The following DCDC1 variants were observed in gnomAD, a reference collection of about 807,000 sequenced individuals.
The protein encoded by DCDC1 is doublecortin domain-containing protein 1.
DCDC1 carries 200 observed loss-of-function variants against 178.3 expected under a neutral mutation model. The observed-to-expected ratio is 1.12, with a 90% CI of 1.00 to 1.26. The LOEUF is 1.26. Among genes scored for constraint, DCDC1 ranks in the 50% most tolerant of loss-of-function variants. The probability of loss-of-function intolerance (pLI) is 0.00; values close to 1 mark genes in which losing one functional copy is unlikely to be tolerated. For synonymous variants in DCDC1, 690 were observed against 604.8 expected (o/e 1.14, Z -2.07); for missense variants, 1,983 against 1,749.2 (o/e 1.13, Z -2.38).
At chr11:31,250,425 T>TAC (rs1482023816) in intron 8 of DCDC1, among the ~76,000 whole-genome samples, 2 of 114,678 alleles carry the variant, frequency 1.7e-5, no homozygotes, top group African/African-American at 6.3e-5. Flanking sequence ...CATATACATA[T>TAC]ATATGTATAT....
intron 20 of DCDC1, among the ~76,000 whole-genome samples, chr11:30,968,782 A>T (rs1949618018): frequency 7.5e-6 from 1 of 132,634 alleles, no homozygotes; most frequent in Non-Finnish European, 1.6e-5. Flanking sequence ...GGGGTCTTGA[A>T]ATGTATAGGG....
intron 20 of DCDC1, among the ~76,000 whole-genome samples, chr11:31,040,876 G>A (rs2135346494): frequency 6.6e-6 from 1 of 152,290 alleles, no homozygotes; most frequent in Non-Finnish European, 1.5e-5. Flanking sequence ...GCATCAATAA[G>A]TTGCAACTCC....
At chr11:31,108,444 G>A (rs1958992122) in intron 12 of DCDC1, among the ~76,000 whole-genome samples, 2 of 152,142 alleles carry the variant, frequency 1.3e-5, no homozygotes, top group Non-Finnish European at 2.9e-5. Context: ...TGTGGTTTCA[G>A]CTCTTGAGCT....
chr11:31,158,607 T>A (rs1965986718), intron 9 of DCDC1, among the ~76,000 whole-genome samples: 1 of 152,234 alleles, frequency 6.6e-6, no homozygotes, highest in South Asian at 2.1e-4. Flanking sequence ...ATTTTTAATC[T>A]TTCTTGAAAC....
chr11:31,185,346 C>T (rs1246533940), intron 9 of DCDC1, among the ~76,000 whole-genome samples: 2 of 151,750 alleles, frequency 1.3e-5, no homozygotes, highest in East Asian at 1.9e-4. Context: ...CACGATGGCA[C>T]GTGTATAGCT....
chr11:31,039,650 T>A lies in DCDC1; in HGVS notation c.2591+24819A>T, dbSNP rs144089492. Among the ~76,000 whole-genome samples, 162 of 152,242 alleles carry A rather than the reference T, an allele frequency of 1.1e-3. 1 individual carries two copies. The highest frequency in any genetic ancestry group is 3.6e-3 in the African/African-American group (148 of 41,554). On this transcript the variant is annotated intron_variant, in intron 20 of 38. Coordinates refer to ENST00000684477, the MANE Select transcript of DCDC1 (RefSeq NM_001387274.1). ...GATTTACAGCCTTTAAAAATTAAGA[T>A]AAAGTTCCTATGGAACAACAAAAAA... is the stretch of plus-strand genomic sequence containing the variant.
At chr11:31,184,891 C>A (rs959776835) in intron 9 of DCDC1, among the ~76,000 whole-genome samples, 1 of 152,162 alleles carries the variant, frequency 6.6e-6, no homozygotes, top group African/African-American at 2.4e-5. Context: ...CCATTTGGCC[C>A]AGCAATCCCA....
intron 20 of DCDC1, among the ~76,000 whole-genome samples, chr11:30,972,892 C>A (rs1168741729): frequency 6.6e-6 from 1 of 152,058 alleles, no homozygotes; most frequent in African/African-American, 2.4e-5. Context: ...GTGACTGAAT[C>A]ATAGGGGTAG....
At chr11:30,994,712 GTA>G (rs924650056) in intron 20 of DCDC1, among the ~76,000 whole-genome samples, 3 of 139,712 alleles carry the variant, frequency 2.1e-5, no homozygotes, top group East Asian at 2.0e-4. Context: ...ATAACATATA[GTA>G]TATGTTATAA....
rs144170210 is a variant in DCDC1, at chr11:31,086,769, C to T, written c.2237+4624G>A. ...GGATAAACCCCACTTGTTCATGATA[C>T]ATCTTTTTATAAATTGTTGTATTCC... On this transcript the variant is annotated intron_variant, in intron 17 of 38. Coordinates refer to ENST00000684477, the MANE Select transcript of DCDC1 (RefSeq NM_001387274.1). 2.6e-5 allele frequency among the ~76,000 whole-genome samples: 4 copies of T among 152,208 alleles called. No individual in the cohort carries two copies. In the East Asian group the frequency reaches 7.7e-4, roughly 29 times the overall value.
At chr11:31,338,837 G>A (rs1177773656) in intron 1 of DCDC1, among the ~76,000 whole-genome samples, 2 of 152,176 alleles carry the variant, frequency 1.3e-5, no homozygotes, top group African/African-American at 4.8e-5. Context: ...AGATCTTAGA[G>A]CATTATACTA....
At chr11:31,170,559 G>T (rs1967079062) in intron 9 of DCDC1, among the ~76,000 whole-genome samples, 1 of 152,104 alleles carries the variant, frequency 6.6e-6, no homozygotes, top group Admixed American at 6.5e-5. Context: ...AAAGAATATT[G>T]ATATTCCTCA....
intron 7 of DCDC1, among the ~76,000 whole-genome samples, chr11:31,279,318 A>G (rs1179688135): frequency 1.3e-5 from 2 of 152,120 alleles, no homozygotes; most frequent in Admixed American, 1.3e-4. Context: ...TCCCGATCAC[A>G]AATACACAGC....
intron 9 of DCDC1, among the ~76,000 whole-genome samples, chr11:31,191,628 G>T (rs1970141310): frequency 6.6e-6 from 1 of 151,984 alleles, no homozygotes; most frequent in African/African-American, 2.4e-5. Context: ...TGGGTGGTAG[G>T]GGGTGGGAAA....
intron 9 of DCDC1, among the ~76,000 whole-genome samples, chr11:31,200,504 CT>C (rs1565421085): frequency 6.6e-6 from 1 of 151,942 alleles, no homozygotes; most frequent in African/African-American, 2.4e-5. Context: ...AAAAATTCTC[CT>C]TTTTGTCACA....
intron 8 of DCDC1, among the ~76,000 whole-genome samples, chr11:31,252,021 G>A (rs1257220509): frequency 2.0e-5 from 3 of 152,136 alleles, no homozygotes; most frequent in African/African-American, 7.2e-5. Flanking sequence ...ATGAAAGAAT[G>A]AAATCGTTTT....
chr11:31,229,189 T>C (rs1975425364), intron 9 of DCDC1, among the ~76,000 whole-genome samples: 2 of 152,020 alleles, frequency 1.3e-5, no homozygotes, highest in South Asian at 2.1e-4. Flanking sequence ...TAAGAAATAA[T>C]AGAGGTGGCA....
At chr11:31,332,839 GAGA>G (rs1245467553) in intron 2 of DCDC1, among the ~76,000 whole-genome samples, 1 of 152,160 alleles carries the variant, frequency 6.6e-6, no homozygotes, top group African/African-American at 2.4e-5. Flanking sequence ...GTGTGGTGCT[GAGA>G]AGAATGTATA....
chr11:30,911,270 G>A, intron 28 of DCDC1, 57 bp downstream of exon 28: 1 of 1,413,304 alleles, frequency 7.1e-7, no homozygotes, highest in Non-Finnish European at 9.8e-7. Flanking sequence ...GAAGCACAAA[G>A]CTTTACTTAA....
Sources: gnomAD v4.1 joint callset for allele counts (sites outside exome capture counted in the v4.1 genomes callset) on GRCh38, gnomAD v4.1.1 for gene constraint, MANE v1.5 for transcripts, NCBI Gene and HGNC (gene_info 2026-07-23, HGNC 2026-07-21) for gene names.